The following TP73 variants were observed in gnomAD, a reference collection of about 807,000 sequenced individuals.
The protein encoded by TP73 is tumor protein p73, also known as p53-like transcription factor.
Under a neutral mutation model 62.5 loss-of-function variants are expected in TP73, and 25 were observed. The observed-to-expected ratio is 0.40, with a 90% CI of 0.29 to 0.56. The LOEUF (loss-of-function observed/expected upper bound fraction) is 0.56. Among genes scored for constraint, TP73 ranks in the 20% least tolerant of loss-of-function variants. The probability of loss-of-function intolerance (pLI) is 0.46; values close to 1 mark genes in which losing one functional copy is unlikely to be tolerated. For missense variants in TP73, 754 were observed against 913.3 expected (o/e 0.83, Z 2.25); for synonymous variants, 423 against 377.5 (o/e 1.12, Z -1.40).
chr1:3,652,794 C>G (rs1286213115), intron 1 of TP73, 153 bp downstream of exon 1: 2 of 152,376 alleles, frequency 1.3e-5, no homozygotes, highest in African/African-American at 4.8e-5. Context: ...GGGGCTCCCT[C>G]GGAGTTGGAT....
rs1003142551 is a variant in TP73 at position 3,733,123 on chromosome 1, A to G, written c.*44A>G. On this transcript the variant is annotated 3_prime_UTR_variant, in exon 14 of 14. Coordinates refer to ENST00000378295, the MANE Select transcript of TP73 (RefSeq NM_005427.4). Reference sequence around the variant, plus strand: ...GCCTGCGCCACCGCCCAGAGACCCAAGCTGCCTCCCCTCTCCTTCCTGTGT... The same window carrying G: ...GCCTGCGCCACCGCCCAGAGACCCAGGCTGCCTCCCCTCTCCTTCCTGTGT... 2 of 1,487,388 alleles carry G rather than the reference A, an allele frequency of 1.3e-6. No individual in the cohort carries two copies. Among genetic ancestry groups the G allele is most frequent in the Admixed American group, 2.1e-5 (1 of 48,166 alleles). 92.1% of individuals were successfully genotyped at this position (1,487,388 alleles called of 1,614,324 possible).
chr1:3,658,088 C>T (rs950137304), intron 1 of TP73, among the ~76,000 whole-genome samples: 1 of 152,180 alleles, frequency 6.6e-6, no homozygotes, highest in African/African-American at 2.4e-5. Context: ...TCCAGTGAGG[C>T]CTGGAGAGAC....
intron 4 of TP73, among the ~76,000 whole-genome samples, chr1:3,720,270 G>A (rs1006970470): frequency 1.3e-5 from 2 of 152,212 alleles, no homozygotes; most frequent in African/African-American, 4.8e-5. Flanking sequence ...TGTGCATGAT[G>A]GTTCCTTCCT....
chr1:3,721,762 C>T (rs541959577), intron 4 of TP73, among the ~76,000 whole-genome samples: 195 of 152,278 alleles, frequency 1.3e-3, no homozygotes, highest in African/African-American at 3.9e-3. Flanking sequence ...TGACTGCCAC[C>T]GGCACTCACA....
Position 3,728,149 on chromosome 1 carries a change from G to A in TP73, c.1006G>A (p.Ala336Thr). Residue 336 changes from alanine (A) to threonine (T), a missense_variant, in exon 9 of 14, where the codon GCC becomes ACC. Transcript: ENST00000378295. ...TCCAGCCTTCAAGCAGAGCCCCCCT[G>A]CCGTCCCCGCCCTTGGTGCCGGTGT... is the stretch of plus-strand genomic sequence containing the variant. ...SKRAFKQSPP[A>T]VPALGAGVKK... The A allele has an allele frequency of 1.9e-6, 3 of 1,611,374 alleles. No individual in the cohort carries two copies. The highest frequency in any genetic ancestry group is 2.5e-6 in the Non-Finnish European group (3 of 1,179,934).
intron 1 of TP73, among the ~76,000 whole-genome samples, chr1:3,659,645 CCT>C (rs1267428813): frequency 2.6e-5 from 4 of 151,968 alleles, no homozygotes; most frequent in Non-Finnish European, 5.9e-5. Context: ...CTACATCACC[CCT>C]CTTTCTACTA....
chr1:3,718,921 G>A (rs1201488914), intron 4 of TP73, among the ~76,000 whole-genome samples: 2 of 152,142 alleles, frequency 1.3e-5, no homozygotes, highest in Admixed American at 6.5e-5. Context: ...TAACGAGGGC[G>A]CAGTAGCCAC....
At chr1:3,723,296 C>A in intron 5 of TP73, 58 bp from the exon 6 acceptor site, 1 of 1,436,790 alleles carries the variant, frequency 7.0e-7, no homozygotes, top group Non-Finnish European at 9.7e-7. Context: ...CTCTCTGCAC[C>A]TAGCACAGGG....
chr1:3,728,239 G>T (rs1157657329), intron 9 of TP73, 22 bp downstream of exon 9: 1 of 1,606,210 alleles, frequency 6.2e-7, no homozygotes, highest in Non-Finnish European at 8.5e-7. Context: ...CTCCTGCACG[G>T]CAGCCGGGAG....
At position 3,672,656 on chromosome 1, in the gene TP73, C is replaced by T. The variant is rs1286231236; in HGVS notation, c.-33-9677C>T. 6.6e-6 allele frequency among the ~76,000 whole-genome samples: 1 copy of T among 151,710 alleles called. No individual in the cohort carries two copies. Among genetic ancestry groups the T allele is most frequent in the African/African-American group, 2.4e-5 (1 of 41,254 alleles). ...TTCTTCCTGTGCCCACTGTGCTGGT[C>T]TGAACCTCCCTTAGTGACAGATCTG... On this transcript the variant is annotated intron_variant, in intron 1 of 13. Coordinates refer to ENST00000378295, the MANE Select transcript of TP73 (RefSeq NM_005427.4). This position sits in a 1 kb window ranked among gnomAD's most constrained non-coding sequence, Gnocchi z 5.3.
intron 4 of TP73, among the ~76,000 whole-genome samples, chr1:3,718,706 GC>G (rs1303496045): frequency 6.6e-6 from 1 of 152,114 alleles, no homozygotes; most frequent in African/African-American, 2.4e-5. Flanking sequence ...TGTCCAACTG[GC>G]TGAGGAGCCC....
intron 1 of TP73, among the ~76,000 whole-genome samples, chr1:3,654,777 T>C (rs1195016728): frequency 6.6e-6 from 1 of 152,200 alleles, no homozygotes; most frequent in Non-Finnish European, 1.5e-5. Context: ...GCCCAAGGCG[T>C]GGGTGGAAGC....
intron 6 of TP73, among the ~76,000 whole-genome samples, chr1:3,725,033 G>A (rs1641390003): frequency 6.6e-6 from 1 of 151,318 alleles, no homozygotes; most frequent in African/African-American, 2.4e-5. Flanking sequence ...AAAAAAAAAA[G>A]AGTTTTGGTT....
At chr1:3,726,275 TGTGGGTGGGTGG>T (rs1283158012) in intron 6 of TP73, among the ~76,000 whole-genome samples, 2 of 9,282 alleles carry the variant, frequency 2.2e-4, no homozygotes, top group African/African-American at 3.4e-4. Flanking sequence ...GGGGTGGATG[TGTGGGTGGGTGG>T]GTGGATGGAT....
intron 1 of TP73, among the ~76,000 whole-genome samples, chr1:3,669,281 G>A (rs929291219): frequency 5.3e-5 from 8 of 152,178 alleles, no homozygotes; most frequent in Non-Finnish European, 1.0e-4. Flanking sequence ...GCCCCTCTAC[G>A]GCCTCCCAGG....
intron 3 of TP73, chr1:3,690,666 G>T: frequency 7.1e-7 from 1 of 1,406,960 alleles, no homozygotes; most frequent in Non-Finnish European, 9.3e-7. Flanking sequence ...CGCGGGTTTT[G>T]TTGTTGGATT....
intron 1 of TP73, among the ~76,000 whole-genome samples, chr1:3,674,476 C>A (rs987226605): frequency 6.6e-6 from 1 of 152,254 alleles, no homozygotes; most frequent in Non-Finnish European, 1.5e-5. Flanking sequence ...GGGCTCTCAG[C>A]CGCATCCTCC....
chr1:3,707,440 G>C, intron 3 of TP73, 109 bp from the exon 4 acceptor site: 1 of 1,449,006 alleles, frequency 6.9e-7, no homozygotes, highest in South Asian at 1.3e-5. Flanking sequence ...TATTTGGGAT[G>C]ACTGGAGCCG....
chr1:3,697,627 G>C (rs912344219), intron 3 of TP73, among the ~76,000 whole-genome samples: 2 of 152,342 alleles, frequency 1.3e-5, no homozygotes, highest in East Asian at 1.9e-4. Flanking sequence ...GTCGTGTCTC[G>C]TGCCGGCTGC....
Sources: gnomAD v4.1 joint callset for allele counts (sites outside exome capture counted in the v4.1 genomes callset) on GRCh38, gnomAD v4.1.1 for gene constraint, Gnocchi (gnomAD v3.1) non-coding constraint, MANE v1.5 for transcripts, NCBI Gene and HGNC (gene_info 2026-07-23, HGNC 2026-07-21) for gene names.